FSTL5: variants seen among roughly 807,000 people sequenced by gnomAD.
FSTL5 encodes the protein follistatin-related protein 5.
In FSTL5, 62 loss-of-function variants were observed where a neutral mutation model predicts 89.1. The ratio of observed to expected loss-of-function variants is 0.70; its 90% confidence interval spans 0.57 to 0.86. The LOEUF (loss-of-function observed/expected upper bound fraction) is 0.86, where lower values mean the gene tolerates loss of function less well. Ranked by LOEUF, FSTL5 falls within the 40% of genes least tolerant of loss-of-function variation. The pLI is 0.00. For synonymous variants in FSTL5, 383 were observed against 346.2 expected (o/e 1.11, Z -1.18); for missense variants, 1,057 against 1,001.6 (o/e 1.06, Z -0.75).
intron 15 of FSTL5, among the ~76,000 whole-genome samples, chr4:161,412,775 A>T (rs1731637766): frequency 1.3e-5 from 2 of 152,114 alleles, no homozygotes; most frequent in South Asian, 4.1e-4. Flanking sequence ...TCCTACAACC[A>T]CCTAATCTTC....
At chr4:161,414,595 C>T (rs1051649700) in intron 15 of FSTL5, among the ~76,000 whole-genome samples, 22 of 152,046 alleles carry the variant, frequency 1.4e-4, no homozygotes, top group African/African-American at 5.3e-4. Flanking sequence ...TCTTTTTATC[C>T]TTAGCAATTC....
At chr4:161,927,144 T>C (rs1734149344) in intron 3 of FSTL5, among the ~76,000 whole-genome samples, 1 of 151,886 alleles carries the variant, frequency 6.6e-6, no homozygotes, top group Non-Finnish European at 1.5e-5. Context: ...ATAAACCATG[T>C]TGATCTAGAT....
chr4:161,519,171 A>ATGTGG, intron 10 of FSTL5, among the ~76,000 whole-genome samples: 1 of 152,176 alleles, frequency 6.6e-6, no homozygotes, highest in East Asian at 1.9e-4. Context: ...TACTGTTTCA[A>ATGTGG]CGTGGGAAGA....
At chr4:161,959,562 G>T (rs1253027514) in intron 3 of FSTL5, among the ~76,000 whole-genome samples, 1 of 151,948 alleles carries the variant, frequency 6.6e-6, no homozygotes, top group Non-Finnish European at 1.5e-5. Context: ...AATGATAGCA[G>T]GACATTTAGT....
chr4:161,891,297 G>C (rs898201406), intron 4 of FSTL5, among the ~76,000 whole-genome samples: 3 of 151,750 alleles, frequency 2.0e-5, no homozygotes, highest in African/African-American at 7.3e-5. Context: ...CCTTACTTTT[G>C]CTATTGTTCT....
intron 6 of FSTL5, among the ~76,000 whole-genome samples, chr4:161,755,450 C>T (rs1429579825): frequency 6.6e-6 from 1 of 151,966 alleles, no homozygotes; most frequent in African/African-American, 2.4e-5. Context: ...CCATTTTATA[C>T]CATGGCAGAG....
chr4:162,131,320 T>C (rs1341681611), intron 1 of FSTL5, among the ~76,000 whole-genome samples: 1 of 152,204 alleles, frequency 6.6e-6, no homozygotes, highest in African/African-American at 2.4e-5. Flanking sequence ...TAAACATATT[T>C]TATATTAAAT....
chr4:161,555,835 A>G (rs1290023279), intron 8 of FSTL5, among the ~76,000 whole-genome samples: 2 of 151,634 alleles, frequency 1.3e-5, no homozygotes, highest in Admixed American at 6.6e-5. Context: ...CTGGCTACAC[A>G]GAGAATGTCT....
At chr4:162,150,597 A>G (rs1464059658) in intron 1 of FSTL5, among the ~76,000 whole-genome samples, 2 of 152,346 alleles carry the variant, frequency 1.3e-5, no homozygotes, top group East Asian at 3.9e-4. Flanking sequence ...ACATTAAAAC[A>G]TCACATTCAC....
At chr4:162,016,182 T>C (rs1347060138) in intron 3 of FSTL5, among the ~76,000 whole-genome samples, 1 of 152,150 alleles carries the variant, frequency 6.6e-6, no homozygotes, top group Non-Finnish European at 1.5e-5. Flanking sequence ...TAGCCTTATT[T>C]GCTCAGATAG....
intron 15 of FSTL5, among the ~76,000 whole-genome samples, chr4:161,403,964 C>T (rs748825738): frequency 2.2e-4 from 34 of 152,166 alleles, no homozygotes; most frequent in Non-Finnish European, 4.0e-4. Context: ...ATTTCAATTT[C>T]GCCTAGCCTT....
chr4:161,807,846 G>A (rs969015551), intron 4 of FSTL5, among the ~76,000 whole-genome samples: 3 of 152,070 alleles, frequency 2.0e-5, no homozygotes, highest in Non-Finnish European at 4.4e-5. Flanking sequence ...AAGACATGGT[G>A]GTTGAAAATA....
intron 8 of FSTL5, among the ~76,000 whole-genome samples, chr4:161,557,177 G>A (rs1732423840): frequency 6.6e-6 from 1 of 151,292 alleles, no homozygotes; most frequent in African/African-American, 2.4e-5. Flanking sequence ...ACTTTCAAAA[G>A]AAATCTTTAA....
At chr4:162,011,499 T>A (rs1444406532) in intron 3 of FSTL5, among the ~76,000 whole-genome samples, 1 of 152,112 alleles carries the variant, frequency 6.6e-6, no homozygotes, top group Non-Finnish European at 1.5e-5. Flanking sequence ...TATTTTACTT[T>A]TTTTTTTCTT....
intron 15 of FSTL5, among the ~76,000 whole-genome samples, chr4:161,396,121 T>C (rs1199515506): frequency 1.4e-5 from 2 of 144,874 alleles, no homozygotes; most frequent in African/African-American, 5.1e-5. Context: ...TCATTGATCA[T>C]AAAAAAAAAA....
chr4:161,753,009 A>AT (rs1203694270), intron 6 of FSTL5, among the ~76,000 whole-genome samples: 5 of 152,066 alleles, frequency 3.3e-5, no homozygotes, highest in Admixed American at 2.0e-4. Flanking sequence ...TGAGAAATAA[A>AT]TTTCCATTGT....
Position 161,493,316 on chromosome 4 carries a change from A to C in FSTL5, c.1458+6700T>G, listed in dbSNP as rs927791313. ...GAAGAACACGAACAGATAATATTTAATATTGATAATACAAGAAATATCATC... is the reference window on the plus strand; with the variant it reads ...GAAGAACACGAACAGATAATATTTACTATTGATAATACAAGAAATATCATC... On this transcript the variant is annotated intron_variant, in intron 12 of 15. Coordinates refer to ENST00000306100, the MANE Select transcript of FSTL5 (RefSeq NM_020116.5). Among the ~76,000 whole-genome samples, 5 of 151,958 alleles carry C rather than the reference A, an allele frequency of 3.3e-5. No individual in the cohort carries two copies. In the South Asian group the frequency reaches 8.3e-4, roughly 25 times the overall value.
At chr4:161,836,577 A>T (rs538570690) in intron 4 of FSTL5, among the ~76,000 whole-genome samples, 1 of 151,984 alleles carries the variant, frequency 6.6e-6, no homozygotes, top group African/African-American at 2.4e-5. Context: ...TGAGCTGGTC[A>T]TGGAGGCTCT....
At chr4:161,509,297 C>T (rs1208594882) in intron 11 of FSTL5, among the ~76,000 whole-genome samples, 1 of 152,052 alleles carries the variant, frequency 6.6e-6, no homozygotes, top group Non-Finnish European at 1.5e-5. Flanking sequence ...GAGTGAAACT[C>T]CATCTCAAAT....
Sources: allele counts gnomAD v4.1 joint callset (sites outside exome capture counted in the v4.1 genomes callset), GRCh38; gene constraint gnomAD v4.1.1; transcripts MANE v1.5; gene names NCBI Gene and HGNC (gene_info 2026-07-23, HGNC 2026-07-21).